NLRP7: variants seen among roughly 807,000 people sequenced by gnomAD.
The protein encoded by NLRP7 is NLR family pyrin domain containing 7.
Under a neutral mutation model 85.5 loss-of-function variants are expected in NLRP7, and 72 were observed. The ratio of observed to expected loss-of-function variants is 0.84; its 90% confidence interval spans 0.70 to 1.02. The LOEUF is 1.02. NLRP7 is among the 50% of genes least tolerant of loss of function. The pLI is 0.00. For synonymous variants in NLRP7, 550 were observed against 505.2 expected, an observed-to-expected ratio of 1.09 and a Z score of -1.19; for missense variants, 1,243 against 1,219.5, an observed-to-expected ratio of 1.02 and a Z score of -0.29.
chr19:54,939,534 C>T (rs764512339), exon 4 of NLRP7: 11 of 1,613,446 alleles, frequency 6.8e-6, no homozygotes, highest in Admixed American at 1.7e-5. Flanking sequence ...CGGTGGAACA[C>T]GGACATCTGC....
chr19:54,936,931 C>T (rs772230564), intron 5 of NLRP7, among the ~76,000 whole-genome samples: 14 of 146,900 alleles, frequency 9.5e-5, no homozygotes, highest in Admixed American at 1.4e-4. Flanking sequence ...AAAAAAAATT[C>T]GCCGGGTGTG....
upstream of NLRP7, chr19:54,947,902 G>C (rs567727025): frequency 4.8e-5 from 13 of 268,048 alleles, no homozygotes; most frequent in East Asian, 1.1e-3. Flanking sequence ...AAAAAAAGAG[G>C]ACAAAAACTC....
chr19:54,939,965 C>G, exon 4 of NLRP7: 1 of 1,614,162 alleles, frequency 6.2e-7, no homozygotes, highest in South Asian at 1.1e-5. Context: ...CTTCAGCAAA[C>G]TCCCCAGGAG....
At position 54,924,892 on chromosome 19, in the gene NLRP7, G is replaced by A. The variant is rs547052977; in HGVS notation, c.2811-1020C>T. Reference sequence around the variant, plus strand: ...GCAGATGTTGCAGTGAGCCAATACCGCACCACTGTACTGCAGCCCGGGTGA... The same window carrying A: ...GCAGATGTTGCAGTGAGCCAATACCACACCACTGTACTGCAGCCCGGGTGA... On this transcript the variant is annotated intron_variant, in intron 9 of 9. Transcript: ENST00000340844. 3.7e-4 allele frequency among the ~76,000 whole-genome samples: 56 copies of A among 152,232 alleles called. 1 individual carries two copies. The highest frequency in any genetic ancestry group is 9.2e-4 in the Admixed American group (14 of 15,272).
intron 1 of NLRP7, among the ~76,000 whole-genome samples, chr19:54,961,723 A>T (rs2070048585): frequency 6.6e-6 from 1 of 150,738 alleles, no homozygotes; most frequent in Non-Finnish European, 1.5e-5. Context: ...GAGGCAAGAG[A>T]ATTGCTTGAG....
At chr19:54,964,211 G>GTTTTTT (rs747785772) in intron 1 of NLRP7, among the ~76,000 whole-genome samples, 1 of 52,474 alleles carries the variant, frequency 1.9e-5, no homozygotes, top group African/African-American at 9.0e-5. Flanking sequence ...TTTATATGGT[G>GTTTTTT]TTTTTTTTTT....
rs545793687 is a variant in NLRP7, at chr19:54,943,135, G to A, written c.-39-1385C>T. ...GTACTCCAGCCTGGGCAACAAGAGC[G>A]AAACTCTATCTCAAAAAAAAAAAAC... On this transcript the variant is annotated intron_variant, in intron 1 of 9. Coordinates refer to ENST00000340844, the Ensembl canonical transcript of NLRP7. Among the ~76,000 whole-genome samples, 680 of 150,156 alleles carry A rather than the reference G, an allele frequency of 4.5e-3. 1 individual carries two copies. Among genetic ancestry groups the A allele is most frequent in the Non-Finnish European group, 7.5e-3 (504 of 67,524 alleles).
chr19:54,937,397 A>G (rs943263230), intron 5 of NLRP7, among the ~76,000 whole-genome samples: 1 of 151,928 alleles, frequency 6.6e-6, no homozygotes, highest in Non-Finnish European at 1.5e-5. Context: ...CAAACCAAAA[A>G]AAAGATAGCT....
At chr19:54,937,201 T>C (rs546871202) in intron 5 of NLRP7, among the ~76,000 whole-genome samples, 4 of 138,674 alleles carry the variant, frequency 2.9e-5, no homozygotes, top group African/African-American at 1.1e-4. Context: ...CTGGGGAACA[T>C]AGCGAGACTG....
In NLRP7 at chr19:54,934,541, T is replaced by C. The variant is rs1292309192; in HGVS notation, c.2419A>G (p.Met807Val). ...CGTGTCATGGTCTTGTACAGCAACA[T>C]GGCACCCTCATCCAGGAGCACATTG... Residue 807 changes from methionine (M) to valine (V), a missense_variant, in exon 7 of 10, where the codon ATG (methionine) becomes GTG (valine). By Grantham distance (21) the Met-to-Val change is conservative (BLOSUM62 1). Around this residue, in one of 3 missense-constraint regions of NLRP7, gnomAD observed 613 missense variants for 588.4 expected, o/e 1.04. Transcript: ENST00000340844. This position sits in a 1 kb window ranked among gnomAD's most constrained non-coding sequence, Gnocchi z 6.7. The C allele has an allele frequency of 5.0e-6, 8 of 1,614,020 alleles. No individual in the cohort carries two copies. In the African/African-American group the frequency reaches 8.0e-5, roughly 16 times the overall value.
At position 54,965,347 on chromosome 19, in the gene NLRP7, T is replaced by G. The variant is rs1319805706; in HGVS notation, c.-77+693A>C. ...GCTTTCTCAACCTGCAGCCCTCATCTCCGCCGGCGAGTAGGGCCAGGTGTT... is the reference window on the plus strand; with the variant it reads ...GCTTTCTCAACCTGCAGCCCTCATCGCCGCCGGCGAGTAGGGCCAGGTGTT... On this transcript the variant is annotated intron_variant, in intron 1 of 2. Coordinates refer to the NLRP7 transcript ENST00000587103. The G allele has an allele frequency of 4.9e-5, 5 of 103,078 alleles. 1 individual carries two copies. The highest frequency in any genetic ancestry group is 1.0e-4 in the Non-Finnish European group (5 of 48,964). 6.4% of individuals were successfully genotyped at this position (103,078 alleles called of 1,614,324 possible). A position where few individuals can be genotyped will look rare whatever the true frequency, so the allele number is the denominator to read the frequency against.
At position 54,930,605 on chromosome 19, in the gene NLRP7, C is replaced by T. The variant is rs371132510; in HGVS notation, c.2704G>A (p.Ala902Thr). 7 of 1,612,204 alleles carry T rather than the reference C, an allele frequency of 4.3e-6. No homozygotes were observed. The highest frequency in any genetic ancestry group is 4.5e-5 in the East Asian group (2 of 44,846). The change falls in exon 9 of 10, where the codon GCC becomes ACC. Residue 902 changes from alanine to threonine, a missense_variant. Coordinates refer to ENST00000340844, the Ensembl canonical transcript of NLRP7. ...AAGTCCAGGTTTGTGAGGCTGCAGG[C>T]TTCTTGGAGCGCCTCTGAGAGATAT...
rs1219517350 is a variant in NLRP7 at position 54,934,640 on chromosome 19, TG to T, written c.2319del (p.Thr774ProfsTer18). 4.3e-6 allele frequency: 7 copies of T among 1,613,426 alleles called. 1 individual carries two copies. In the South Asian group the frequency reaches 6.6e-5, roughly 15 times the overall value. ...AAGAATTCAGCCCACTGCTCCGGGG[TG>T]GCACAGTGACCTCCCAACCTGTGAA... On this transcript the variant is annotated frameshift_variant, in exon 7 of 10. Transcript: ENST00000340844. LOFTEE classifies it high-confidence loss of function. This position sits in a 1 kb window ranked among gnomAD's most constrained non-coding sequence, Gnocchi z 6.7.
Position 54,923,806 on chromosome 19 carries a change from G to A in NLRP7, c.2877C>T (p.Pro959=), listed in dbSNP as rs768646320. 2.5e-6 allele frequency: 4 copies of A among 1,613,968 alleles called. No individual in the cohort carries two copies. The South Asian group carries it at 4.4e-5, about 18-fold the overall frequency. Residue 959 remains proline, a synonymous_variant, in exon 10 of 10, where the codon CCC becomes CCT. Coordinates refer to ENST00000340844, the Ensembl canonical transcript of NLRP7. ...AAGCATTGCAATCAATAGTCAGCTT[G>A]GGATTCTTTTCTTTCACTTCCTCCA... is the stretch of plus-strand genomic sequence containing the variant.
exon 4 of NLRP7, chr19:54,939,369 T>C (rs1253860915): frequency 3.7e-6 from 6 of 1,613,946 alleles, no homozygotes; most frequent in South Asian, 2.2e-5. Context: ...CCCTCCTCCT[T>C]CTCCAGGGCG....
intron 1 of NLRP7, among the ~76,000 whole-genome samples, chr19:54,946,548 T>A (rs748282156): frequency 6.6e-6 from 1 of 151,854 alleles, no homozygotes; most frequent in Non-Finnish European, 1.5e-5. Flanking sequence ...TGGAGTGCAG[T>A]GGCTCAATCA....
chr19:54,929,311 G>C (rs2068573897), intron 9 of NLRP7, among the ~76,000 whole-genome samples: 1 of 152,040 alleles, frequency 6.6e-6, no homozygotes, highest in Non-Finnish European at 1.5e-5. Flanking sequence ...GTTGCAGTGA[G>C]CCAAGATCGC....
intron 5 of NLRP7, 139 bp from the exon 6 acceptor site, chr19:54,936,570 C>G: frequency 1.3e-6 from 1 of 767,648 alleles, no homozygotes; most frequent in Middle Eastern, 2.9e-4. Context: ...GTCTGTAACC[C>G]CAGCACTTTG....
exon 2 of NLRP7, chr19:54,941,673 A>G (rs2146230098): frequency 6.2e-7 from 1 of 1,613,840 alleles, no homozygotes; most frequent in East Asian, 2.2e-5. Context: ...GCTGCTCCAG[A>G]AGGGTCTGCA....
Sources: gnomAD v4.1 joint callset for allele counts (sites outside exome capture counted in the v4.1 genomes callset) on GRCh38, gnomAD v4.1.1 for gene constraint, gnomAD v4.1.1 regional missense constraint, Gnocchi (gnomAD v3.1) non-coding constraint, MANE v1.5 for transcripts, NCBI Gene and HGNC (gene_info 2026-07-23, HGNC 2026-07-21) for gene names.